Variants in PTPN9 observed in about 807,000 individuals in gnomAD.
The protein encoded by PTPN9 is tyrosine-protein phosphatase non-receptor type 9.
In PTPN9, 26 loss-of-function variants were observed where a neutral mutation model predicts 69.8. That is an observed-to-expected ratio of 0.37 (90% confidence interval 0.27 to 0.52). The LOEUF is 0.52. Ranked by LOEUF, PTPN9 falls within the 20% of genes least tolerant of loss-of-function variation. The pLI, the probability that PTPN9 is intolerant of heterozygous loss-of-function variation, is 0.91. For missense variants in PTPN9, 549 were observed against 740.3 expected, an observed-to-expected ratio of 0.74 and a Z score of 3.00; for synonymous variants, 274 against 272.5, an observed-to-expected ratio of 1.01 and a Z score of -0.05.
At chr15:75,502,578 G>A (rs1180322055) in intron 7 of PTPN9, among the ~76,000 whole-genome samples, 3 of 152,046 alleles carry the variant, frequency 2.0e-5, no homozygotes, top group Non-Finnish European at 4.4e-5. Context: ...AACTAGTTAC[G>A]AGCCAGAGTT....
intron 7 of PTPN9, among the ~76,000 whole-genome samples, chr15:75,498,079 C>T (rs1320644970): frequency 2.0e-5 from 3 of 151,544 alleles, no homozygotes; most frequent in African/African-American, 7.3e-5. Flanking sequence ...ACCTGTAATC[C>T]CAGCTACTTG....
At chr15:75,509,160 A>C in intron 5 of PTPN9, 133 bp from the exon 6 acceptor site, 2 of 636,910 alleles carry the variant, frequency 3.1e-6, no homozygotes, top group Non-Finnish European at 2.7e-6. Flanking sequence ...GTTTGATCTC[A>C]GCAGCTAGAG....
At chr15:75,563,508 T>G (rs1221841192) in intron 1 of PTPN9, among the ~76,000 whole-genome samples, 2 of 152,170 alleles carry the variant, frequency 1.3e-5, no homozygotes, top group Non-Finnish European at 1.5e-5. Flanking sequence ...TTTCTGTTCT[T>G]GCATTAGTTT....
chr15:75,505,123 T>C (rs565512422), intron 7 of PTPN9, among the ~76,000 whole-genome samples: 4 of 151,982 alleles, frequency 2.6e-5, no homozygotes, highest in African/African-American at 9.7e-5. Flanking sequence ...AGATAAATTC[T>C]TCTGCCTTGG....
chr15:75,517,142 T>C, intron 5 of PTPN9, 117 bp downstream of exon 5: 1 of 692,148 alleles, frequency 1.4e-6, no homozygotes, highest in South Asian at 2.2e-5. Flanking sequence ...AGATGACCTT[T>C]ACATTGAACA....
chr15:75,572,647 G>A (rs1054478793), intron 1 of PTPN9, among the ~76,000 whole-genome samples: 3 of 152,060 alleles, frequency 2.0e-5, no homozygotes, highest in South Asian at 2.1e-4. Context: ...CCCAGAAGGC[G>A]GAGGTTGCAG....
intron 9 of PTPN9, among the ~76,000 whole-genome samples, chr15:75,476,758 G>A (rs984352413): frequency 3.3e-5 from 5 of 152,190 alleles, no homozygotes; most frequent in Non-Finnish European, 7.3e-5. Context: ...CAATGGACAT[G>A]CATTACCCTA....
chr15:75,489,533 G>A (rs1303826537), intron 8 of PTPN9, among the ~76,000 whole-genome samples: 1 of 152,046 alleles, frequency 6.6e-6, no homozygotes, highest in Non-Finnish European at 1.5e-5. Context: ...AGGTTGCAGT[G>A]AGCTGTGATC....
chr15:75,555,410 T>A (rs1203207314), intron 1 of PTPN9, among the ~76,000 whole-genome samples: 4 of 152,148 alleles, frequency 2.6e-5, no homozygotes, highest in Non-Finnish European at 5.9e-5. Flanking sequence ...AAATACATAT[T>A]ACTGGATCCC....
rs2074918191 is a variant in PTPN9, at chr15:75,524,316, C to A, written c.208-18G>T. 1.3e-6 allele frequency: 2 copies of A among 1,511,382 alleles called. No individual in the cohort carries two copies. The highest frequency in any genetic ancestry group is 1.7e-5 in the Admixed American group (1 of 59,774). The allele number at this position is 1,511,382 out of a possible 1,614,324, so 93.6% of individuals were successfully genotyped here. A position where few individuals can be genotyped will look rare whatever the true frequency, so the allele number is the denominator to read the frequency against. On this transcript the variant is annotated intron_variant, in intron 2 of 12. Transcript: ENST00000618819. Reference sequence around the variant, plus strand: ...CGAGTTTCCTAAAAAGGAAGCACAGCAAAATGTATTAATATGAAAATACTG... The same window carrying A: ...CGAGTTTCCTAAAAAGGAAGCACAGAAAAATGTATTAATATGAAAATACTG...
At chr15:75,575,042 C>T (rs1436837705) in intron 1 of PTPN9, among the ~76,000 whole-genome samples, 1 of 13,998 alleles carries the variant, frequency 7.1e-5, no homozygotes, top group Non-Finnish European at 9.7e-5. Context: ...GGCGGGATCT[C>T]GGCTCACTGC....
intron 10 of PTPN9, among the ~76,000 whole-genome samples, chr15:75,471,887 G>A (rs2074567970): frequency 1.3e-5 from 2 of 151,924 alleles, no homozygotes; most frequent in African/African-American, 4.8e-5. Flanking sequence ...AGGTTGCAGT[G>A]AGCTGAGATC....
intron 7 of PTPN9, among the ~76,000 whole-genome samples, chr15:75,504,140 C>A (rs2074797334): frequency 1.6e-5 from 2 of 127,686 alleles, no homozygotes; most frequent in Non-Finnish European, 3.4e-5. Context: ...GAGGTCAGCC[C>A]CCCGCCCGGA....
chr15:75,556,677 G>A (rs541578454), intron 1 of PTPN9, among the ~76,000 whole-genome samples: 7 of 152,156 alleles, frequency 4.6e-5, no homozygotes, highest in South Asian at 2.1e-4. Context: ...ACACCTGGCC[G>A]CATTTTCTTT....
At chr15:75,471,153 T>A (rs1167140221) in intron 10 of PTPN9, among the ~76,000 whole-genome samples, 1 of 152,184 alleles carries the variant, frequency 6.6e-6, no homozygotes. Flanking sequence ...AACAGTATAG[T>A]AGCTGGGTAT....
intron 1 of PTPN9, among the ~76,000 whole-genome samples, chr15:75,566,860 C>T (rs748691890): frequency 2.0e-5 from 3 of 151,918 alleles, no homozygotes; most frequent in South Asian, 2.1e-4. Context: ...TGTGATGACA[C>T]GGGCCTGTGG....
At chr15:75,554,794 C>A (rs1395319314) in intron 1 of PTPN9, among the ~76,000 whole-genome samples, 1 of 152,234 alleles carries the variant, frequency 6.6e-6, no homozygotes, top group Non-Finnish European at 1.5e-5. Flanking sequence ...GATGTCCTCA[C>A]TGCAGTGAGG....
intron 1 of PTPN9, among the ~76,000 whole-genome samples, chr15:75,545,180 A>G (rs962202253): frequency 1.3e-5 from 2 of 152,210 alleles, no homozygotes; most frequent in Non-Finnish European, 2.9e-5. Flanking sequence ...GTCAATGGTG[A>G]TGGGCTCTTG....
chr15:75,501,700 C>G (rs1169942870), intron 7 of PTPN9, among the ~76,000 whole-genome samples: 2 of 152,154 alleles, frequency 1.3e-5, no homozygotes, highest in East Asian at 3.9e-4. Context: ...ACAAATGATC[C>G]TCCTATACCT....
Sources: gnomAD v4.1 joint callset for allele counts (sites outside exome capture counted in the v4.1 genomes callset) on GRCh38, gnomAD v4.1.1 for gene constraint, MANE v1.5 for transcripts, NCBI Gene and HGNC (gene_info 2026-07-23, HGNC 2026-07-21) for gene names.